Variants in STON2 observed in about 807,000 individuals in gnomAD.
STON2 encodes the protein stonin-2.
Under a neutral mutation model 65.7 loss-of-function variants are expected in STON2, and 29 were observed. That is an observed-to-expected ratio of 0.44 (90% confidence interval 0.33 to 0.60). STON2 has a LOEUF of 0.60. Among genes scored for constraint, STON2 ranks in the 20% least tolerant of loss-of-function variants. STON2 has a pLI of 0.03. For synonymous variants in STON2, 404 were observed against 414.2 expected, an observed-to-expected ratio of 0.98 and a Z score of 0.30; for missense variants, 1,054 against 1,118.1, an observed-to-expected ratio of 0.94 and a Z score of 0.82.
chr14:81,435,357 C>G (rs1450587026), intron 1 of STON2, among the ~76,000 whole-genome samples: 1 of 152,182 alleles, frequency 6.6e-6, no homozygotes, highest in African/African-American at 2.4e-5. Context: ...AAAAGCCCAT[C>G]CACTCCGTAT....
Position 81,261,746 on chromosome 14 carries a change from C to A in STON2, c.*6668G>T. 3.4e-6 allele frequency: 5 copies of A among 1,468,630 alleles called. No homozygotes were observed. Among genetic ancestry groups the A allele is most frequent in the South Asian group, 1.4e-5 (1 of 71,884 alleles). The allele number at this position is 1,468,630 out of a possible 1,614,324, so 91.0% of individuals were successfully genotyped here. Reference sequence around the variant, plus strand: ...GTGTCAGGTAGCACCCAAATCCTAACATCTATTTTGGAGACCTGTCTGTGC... The same window carrying A: ...GTGTCAGGTAGCACCCAAATCCTAAAATCTATTTTGGAGACCTGTCTGTGC... On this transcript the variant is annotated 3_prime_UTR_variant, in exon 8 of 8. Transcript: ENST00000614646.
intron 5 of STON2, among the ~76,000 whole-genome samples, chr14:81,311,655 G>A (rs1438801305): frequency 2.0e-5 from 3 of 152,184 alleles, no homozygotes; most frequent in Non-Finnish European, 2.9e-5. Flanking sequence ...TGGCAGAGCT[G>A]AGATTTAACA....
intron 4 of STON2, among the ~76,000 whole-genome samples, chr14:81,358,633 C>T (rs1485177383): frequency 6.6e-6 from 1 of 152,080 alleles, no homozygotes; most frequent in East Asian, 1.9e-4. Flanking sequence ...CAAGACCCAA[C>T]TATATGCTGG....
At position 81,406,447 on chromosome 14, in the gene STON2, A is replaced by G. The variant is rs550153459; in HGVS notation, c.-198-7867T>C. On this transcript the variant is annotated intron_variant, in intron 2 of 8. Coordinates refer to the STON2 transcript ENST00000553821. The stretch of plus-strand genomic sequence containing the variant: ...TATTATTAGTATATTTACCAGCCAC[A>G]CTCATTAGTTTACATATTGTCTATG... Among the ~76,000 whole-genome samples, 321 of 152,098 alleles carry G rather than the reference A, an allele frequency of 2.1e-3. 2 individuals carry two copies. The highest frequency in any genetic ancestry group is 7.5e-3 in the African/African-American group (313 of 41,480).
chr14:81,313,090 C>T (rs1445214640), intron 5 of STON2, among the ~76,000 whole-genome samples: 1 of 152,244 alleles, frequency 6.6e-6, no homozygotes, highest in Non-Finnish European at 1.5e-5. Context: ...ATTCTACATA[C>T]TATCTACTAT....
At chr14:81,432,734 T>C (rs1330055258) in intron 1 of STON2, among the ~76,000 whole-genome samples, 1 of 152,246 alleles carries the variant, frequency 6.6e-6, no homozygotes, top group Non-Finnish European at 1.5e-5. Context: ...TTTTTCATTT[T>C]CTCACTATGA....
Position 81,262,821 on chromosome 14 carries a change from T to C in STON2, c.*5593A>G, listed in dbSNP as rs1303383130. ...TTAATACATGGGAGAATATTACTAA[T>C]ACATACATTTGTTTTCTACATTTGT... On this transcript the variant is annotated 3_prime_UTR_variant, in exon 8 of 8. Coordinates refer to ENST00000614646, the MANE Select transcript of STON2 (RefSeq NM_001394390.1). The C allele has an allele frequency of 1.0e-6, 1 of 985,192 alleles. No individual in the cohort carries two copies. Among genetic ancestry groups the C allele is most frequent in the African/African-American group, 1.7e-5 (1 of 57,256 alleles). The allele number at this position is 985,192 out of a possible 1,614,324, so 61.0% of individuals were successfully genotyped here. A position where few individuals can be genotyped will look rare whatever the true frequency, so the allele number is the denominator to read the frequency against.
intron 4 of STON2, among the ~76,000 whole-genome samples, chr14:81,327,135 G>A (rs932918300): frequency 3.3e-5 from 5 of 152,166 alleles, no homozygotes; most frequent in Non-Finnish European, 1.5e-5. Context: ...TCCAGCCTGA[G>A]CAACAGCGCA....
At position 81,398,462 on chromosome 14, in the gene STON2, G is replaced by A. The variant is rs760667848; in HGVS notation, c.-80C>T. 4 of 1,123,888 alleles carry A rather than the reference G, an allele frequency of 3.6e-6. No homozygotes were observed. Among genetic ancestry groups the A allele is most frequent in the Non-Finnish European group, 2.7e-6 (2 of 741,224 alleles). The allele number at this position is 1,123,888 out of a possible 1,614,324, so 69.6% of individuals were successfully genotyped here. A position where few individuals can be genotyped will look rare whatever the true frequency, so the allele number is the denominator to read the frequency against. On this transcript the variant is annotated 5_prime_UTR_variant, in exon 2 of 8. Transcript: ENST00000614646. ...ACTGTCTGGGGTGGGCTGGAGTAGG[G>A]GTATGGTAGTACGGTAGACTTGGGT... is the stretch of plus-strand genomic sequence containing the variant.
upstream of STON2, among the ~76,000 whole-genome samples, chr14:81,401,188 T>A: frequency 1.3e-5 from 2 of 152,256 alleles, no homozygotes; most frequent in South Asian, 4.1e-4. Flanking sequence ...CTAAGTAGAG[T>A]CATGTGCTCA....
intron 4 of STON2, among the ~76,000 whole-genome samples, chr14:81,365,759 A>G (rs1315445813): frequency 6.6e-6 from 1 of 152,176 alleles, no homozygotes; most frequent in African/African-American, 2.4e-5. Flanking sequence ...CTGTCTCAAA[A>G]TAAAAAAATT....
intron 4 of STON2, among the ~76,000 whole-genome samples, chr14:81,347,615 TAA>T (rs55784716): frequency 1.1e-4 from 8 of 72,622 alleles, no homozygotes; most frequent in African/African-American, 3.3e-4. Context: ...AAGAAGACAG[TAA>T]AAAAAAAAAA....
intron 4 of STON2, among the ~76,000 whole-genome samples, chr14:81,339,802 C>T (rs1156508312): frequency 6.6e-6 from 1 of 152,146 alleles, no homozygotes; most frequent in African/African-American, 2.4e-5. Context: ...TGGAATACTA[C>T]CCATCAATAG....
intron 5 of STON2, among the ~76,000 whole-genome samples, chr14:81,290,151 T>C (rs17631987): frequency 0.083 from 12,592 of 152,296 alleles, 628 homozygotes; most frequent in East Asian, 0.14. Flanking sequence ...CACAGACCTA[T>C]GCCTACTTAT....
At chr14:81,276,751 C>T (rs757746197) in intron 6 of STON2, 150 bp downstream of exon 6, 83 of 867,530 alleles carry the variant, frequency 9.6e-5, no homozygotes, top group Non-Finnish European at 1.4e-4. Context: ...TTACCTTGCT[C>T]AATTATTTTT....
At chr14:81,322,245 TG>T (rs1439528521) in intron 5 of STON2, among the ~76,000 whole-genome samples, 1 of 152,212 alleles carries the variant, frequency 6.6e-6, no homozygotes, top group Non-Finnish European at 1.5e-5. Context: ...GGAGTGGTGA[TG>T]GTTTTGTACC....
chr14:81,298,452 C>A (rs893853868), intron 5 of STON2, among the ~76,000 whole-genome samples: 9 of 151,524 alleles, frequency 5.9e-5, no homozygotes, highest in Admixed American at 2.0e-4. Context: ...GCCAAACTTA[C>A]TAAGAATTAC....
At chr14:81,352,230 T>C (rs1466883763) in intron 4 of STON2, among the ~76,000 whole-genome samples, 1 of 152,148 alleles carries the variant, frequency 6.6e-6, no homozygotes, top group Non-Finnish European at 1.5e-5. Flanking sequence ...ACTACCATTA[T>C]TTCCAAGTAG....
chr14:81,355,449 C>T (rs1566923890), intron 4 of STON2, among the ~76,000 whole-genome samples: 2 of 152,054 alleles, frequency 1.3e-5, no homozygotes, highest in East Asian at 3.9e-4. Context: ...ATCAATTTCT[C>T]AGCAGAAACT....
Sources: gnomAD v4.1 joint callset for allele counts (sites outside exome capture counted in the v4.1 genomes callset) on GRCh38, gnomAD v4.1.1 for gene constraint, MANE v1.5 for transcripts, NCBI Gene and HGNC (gene_info 2026-07-23, HGNC 2026-07-21) for gene names.